The following CA13 variants were observed in gnomAD, a reference collection of about 807,000 sequenced individuals.
CA13 encodes the protein carbonic anhydrase 13.
Under a neutral mutation model 31.5 loss-of-function variants are expected in CA13, and 21 were observed. That is an observed-to-expected ratio of 0.67 (90% CI 0.47 to 0.96). The LOEUF (loss-of-function observed/expected upper bound fraction) is 0.96. CA13 is among the 40% of genes least tolerant of loss of function. The pLI is 0.00. For missense variants in CA13, 315 were observed against 318.9 expected (o/e 0.99, Z 0.09); for synonymous variants, 117 against 111.4 (o/e 1.05, Z -0.32).
intron 6 of CA13, among the ~76,000 whole-genome samples, chr8:85,277,398 GACCATGAACCC>G (rs773013371): frequency 2.8e-4 from 43 of 152,076 alleles, no homozygotes; most frequent in Non-Finnish European, 5.3e-4. Flanking sequence ...GAGCCAGCGA[GACCATGAACCC>G]ACCAGAAGGA....
At chr8:85,248,657 G>A (rs1281826725) in intron 1 of CA13, among the ~76,000 whole-genome samples, 1 of 152,038 alleles carries the variant, frequency 6.6e-6, no homozygotes, top group Non-Finnish European at 1.5e-5. Context: ...AAGAGGCAGG[G>A]TACTGAACTG....
intron 3 of CA13, among the ~76,000 whole-genome samples, chr8:85,261,406 A>G (rs1448517236): frequency 6.6e-6 from 1 of 152,116 alleles, no homozygotes; most frequent in Non-Finnish European, 1.5e-5. Context: ...ATTTTTATGC[A>G]TGCTTTAAAC....
rs962010574 is a variant in CA13, at chr8:85,276,666, C to T, written c.670-4564C>T. On this transcript the variant is annotated intron_variant, in intron 6 of 6. Transcript: ENST00000321764. Reference sequence around the variant, plus strand: ...CTGTATGTAGCTACTCTGGTGGGGACTTGGAGAACCTTTATGTCTAGCTAA... The same window carrying T: ...CTGTATGTAGCTACTCTGGTGGGGATTTGGAGAACCTTTATGTCTAGCTAA... Among the ~76,000 whole-genome samples, 4 of 151,914 alleles carry T rather than the reference C, an allele frequency of 2.6e-5. No homozygotes were observed. The South Asian group carries it at 8.3e-4, about 31-fold the overall frequency.
chr8:85,259,169 G>A (rs1363219280), intron 2 of CA13, among the ~76,000 whole-genome samples: 2 of 152,134 alleles, frequency 1.3e-5, no homozygotes, highest in Admixed American at 1.3e-4. Context: ...TTTCTAACCA[G>A]TATGTCTGTT....
At chr8:85,264,335 G>A (rs1008866980) in intron 3 of CA13, among the ~76,000 whole-genome samples, 4 of 152,160 alleles carry the variant, frequency 2.6e-5, no homozygotes, top group Non-Finnish European at 4.4e-5. Flanking sequence ...GAAATTAGTT[G>A]CCAGTAGAGA....
intron 3 of CA13, among the ~76,000 whole-genome samples, chr8:85,263,955 G>A (rs753887740): frequency 7.9e-5 from 12 of 152,038 alleles, no homozygotes; most frequent in Non-Finnish European, 1.5e-4. Flanking sequence ...ATCAAGTTAC[G>A]TTCCCTTGTG....
At chr8:85,261,175 T>G (rs1564001995) in intron 3 of CA13, among the ~76,000 whole-genome samples, 1 of 152,178 alleles carries the variant, frequency 6.6e-6, no homozygotes, top group Non-Finnish European at 1.5e-5. Flanking sequence ...TTTGGTTCAC[T>G]TATGTATTTA....
chr8:85,273,156 G>T (rs1234996233), intron 6 of CA13, among the ~76,000 whole-genome samples: 1 of 152,204 alleles, frequency 6.6e-6, no homozygotes, highest in African/African-American at 2.4e-5. Context: ...AAGTGGCTGT[G>T]TCATATTAAA....
chr8:85,280,702 G>A (rs1184552198), intron 6 of CA13, among the ~76,000 whole-genome samples: 1 of 152,076 alleles, frequency 6.6e-6, no homozygotes, highest in East Asian at 1.9e-4. Flanking sequence ...ATCTTAATAA[G>A]TGATATTAAA....
In CA13 at chr8:85,268,519, A is replaced by G. The variant is rs757162954; in HGVS notation, c.561A>G (p.Pro187=). 6.2e-6 allele frequency: 10 copies of G among 1,614,090 alleles called. No homozygotes were observed. The highest frequency in any genetic ancestry group is 1.1e-5 in the South Asian group (1 of 91,072). ...ATTTTGACCTATTGTCTCTGCTTCC[A>G]CCATCCTGGGACTACTGGACATATC... ...FTNFDLLSLL[P]PSWDYWTYPG... Residue 187 remains proline, a synonymous_variant, in exon 6 of 7, where the codon CCA becomes CCG. Coordinates refer to ENST00000321764, the MANE Select transcript of CA13 (RefSeq NM_198584.3).
At chr8:85,271,058 A>T (rs1445342312) in intron 6 of CA13, among the ~76,000 whole-genome samples, 1 of 152,232 alleles carries the variant, frequency 6.6e-6, no homozygotes, top group Non-Finnish European at 1.5e-5. Flanking sequence ...AACCAAATTG[A>T]GAAAGTTATT....
intron 2 of CA13, among the ~76,000 whole-genome samples, chr8:85,257,747 A>G (rs990298357): frequency 2.0e-5 from 3 of 148,966 alleles, no homozygotes; most frequent in South Asian, 4.2e-4. Flanking sequence ...AAACACTGCA[A>G]CCTCTGCTTT....
intron 2 of CA13, among the ~76,000 whole-genome samples, chr8:85,253,810 C>T (rs530371420): frequency 5.3e-5 from 8 of 152,192 alleles, no homozygotes; most frequent in African/African-American, 1.9e-4. Flanking sequence ...AGTTTGAGGG[C>T]AGCTGGGCAA....
chr8:85,271,172 A>C (rs990711303), intron 6 of CA13, among the ~76,000 whole-genome samples: 1 of 152,244 alleles, frequency 6.6e-6, no homozygotes, highest in African/African-American at 2.4e-5. Context: ...CCATGAAAAA[A>C]TATCTGGCAA....
intron 6 of CA13, among the ~76,000 whole-genome samples, chr8:85,269,658 T>C (rs1437480369): frequency 1.3e-5 from 2 of 152,192 alleles, no homozygotes; most frequent in African/African-American, 4.8e-5. Flanking sequence ...TGTGTAGACA[T>C]CTACTCACTC....
At chr8:85,263,262 A>G (rs544436826) in intron 3 of CA13, among the ~76,000 whole-genome samples, 5 of 152,308 alleles carry the variant, frequency 3.3e-5, no homozygotes, top group African/African-American at 1.2e-4. Flanking sequence ...ACCATGCCAC[A>G]TCGGGTACTG....
At chr8:85,269,446 A>AT (rs1032414223) in intron 6 of CA13, among the ~76,000 whole-genome samples, 9 of 151,980 alleles carry the variant, frequency 5.9e-5, no homozygotes, top group South Asian at 4.2e-4. Context: ...CTCAAAAAAA[A>AT]TTTTTTTTGT....
intron 1 of CA13, among the ~76,000 whole-genome samples, chr8:85,249,283 G>A (rs1028673739): frequency 2.0e-5 from 3 of 152,110 alleles, no homozygotes; most frequent in Admixed American, 6.5e-5. Context: ...CGGATCACTT[G>A]AGCCCATGAG....
chr8:85,254,977 G>C (rs979494072), intron 2 of CA13, among the ~76,000 whole-genome samples: 1 of 151,910 alleles, frequency 6.6e-6, no homozygotes, highest in Non-Finnish European at 1.5e-5. Flanking sequence ...ATAGTTCTTG[G>C]AGGGCGTGTT....
Sources: gnomAD v4.1 joint callset for allele counts (sites outside exome capture counted in the v4.1 genomes callset) on GRCh38, gnomAD v4.1.1 for gene constraint, MANE v1.5 for transcripts, NCBI Gene and HGNC (gene_info 2026-07-23, HGNC 2026-07-21) for gene names.